DSCAM: variants seen among roughly 807,000 people sequenced by gnomAD.
DSCAM encodes the protein cell adhesion molecule DSCAM.
A neutral mutation model predicts 217.7 loss-of-function variants in DSCAM; 47 were observed. That is an observed-to-expected ratio of 0.22 (90% CI 0.17 to 0.28). The LOEUF (loss-of-function observed/expected upper bound fraction) is 0.28, where lower values mean the gene tolerates loss of function less well. Ranked by LOEUF, DSCAM falls within the 10% of genes least tolerant of loss-of-function variation. The pLI, the probability that DSCAM is intolerant of heterozygous loss-of-function variation, is 1.00. For synonymous variants in DSCAM, 1,056 were observed against 1,015.3 expected (o/e 1.04, Z -0.76); for missense variants, 2,080 against 2,618.3 (o/e 0.79, Z 4.49).
intron 11 of DSCAM, among the ~76,000 whole-genome samples, chr21:40,255,435 G>C (rs2837539): frequency 0.024 from 3,595 of 152,216 alleles, 268 homozygotes; most frequent in East Asian, 0.22. Context: ...GCAGAATAAT[G>C]GTGCTTCAAA....
At chr21:40,062,499 C>G (rs1485376710) in intron 28 of DSCAM, among the ~76,000 whole-genome samples, 3 of 152,244 alleles carry the variant, frequency 2.0e-5, no homozygotes, top group African/African-American at 7.2e-5. Context: ...TTGTGCTTTT[C>G]TTTTAACTTG....
chr21:40,621,221 T>C (rs1404700684), intron 3 of DSCAM: 2 of 152,138 alleles, frequency 1.3e-5, no homozygotes, highest in Non-Finnish European at 2.9e-5. Flanking sequence ...AAATTATATC[T>C]TTATAACTAC....
chr21:40,722,639 A>C (rs2090913559), intron 1 of DSCAM, among the ~76,000 whole-genome samples: 1 of 152,174 alleles, frequency 6.6e-6, no homozygotes, highest in Non-Finnish European at 1.5e-5. Flanking sequence ...AGATAGAAAA[A>C]ATAGGGAGCA....
intron 3 of DSCAM, among the ~76,000 whole-genome samples, chr21:40,578,425 C>A (rs1422515938): frequency 2.5e-5 from 1 of 40,630 alleles, no homozygotes; most frequent in African/African-American, 6.9e-5. Context: ...TAAAAACGCA[C>A]CAATCAGCAC....
intron 11 of DSCAM, among the ~76,000 whole-genome samples, chr21:40,206,287 G>A (rs2091124882): frequency 6.6e-6 from 1 of 152,166 alleles, no homozygotes; most frequent in Non-Finnish European, 1.5e-5. Flanking sequence ...TGAATCCACT[G>A]GAAACTGCTG....
At chr21:40,218,825 G>A (rs573234315) in intron 11 of DSCAM, among the ~76,000 whole-genome samples, 3 of 152,248 alleles carry the variant, frequency 2.0e-5, no homozygotes, top group Non-Finnish European at 4.4e-5. Context: ...AGTGATTTTT[G>A]TACATTGATT....
intron 11 of DSCAM, among the ~76,000 whole-genome samples, chr21:40,229,030 C>T (rs368146342): frequency 2.8e-4 from 43 of 152,204 alleles, no homozygotes; most frequent in African/African-American, 9.9e-4. Flanking sequence ...TCTTCCCTAG[C>T]TTGTTTGTAA....
intron 19 of DSCAM, among the ~76,000 whole-genome samples, chr21:40,129,453 G>A (rs1254470640): frequency 1.3e-5 from 2 of 152,182 alleles, no homozygotes; most frequent in Non-Finnish European, 2.9e-5. Flanking sequence ...TGGAAGTGGG[G>A]TGGCTCTTGA....
At chr21:40,622,043 A>C (rs1375276411) in intron 3 of DSCAM, among the ~76,000 whole-genome samples, 1 of 152,148 alleles carries the variant, frequency 6.6e-6, no homozygotes, top group East Asian at 1.9e-4. Flanking sequence ...TACATCAACT[A>C]CCACCACGAT....
intron 3 of DSCAM, among the ~76,000 whole-genome samples, chr21:40,371,547 C>T (rs1000620918): frequency 6.6e-6 from 1 of 152,076 alleles, no homozygotes; most frequent in Non-Finnish European, 1.5e-5. Flanking sequence ...TGCCATTTTC[C>T]AGAAAGGTTG....
At chr21:40,029,941 ATATT>A (rs979310829) in intron 32 of DSCAM, among the ~76,000 whole-genome samples, 8 of 152,214 alleles carry the variant, frequency 5.3e-5, no homozygotes, top group Admixed American at 5.2e-4. Flanking sequence ...TTTATCATAA[ATATT>A]ATACTAAGGG....
At position 40,645,130 on chromosome 21, in the gene DSCAM, C is replaced by T. The variant is rs73905020; in HGVS notation, c.508+47680G>A. ...GATGGGCTCTTTTGAGAATAATTAACGTACTCTCTTCTTGCATCCTTTCTC... is the reference window on the plus strand; with the variant it reads ...GATGGGCTCTTTTGAGAATAATTAATGTACTCTCTTCTTGCATCCTTTCTC... On this transcript the variant is annotated intron_variant, in intron 3 of 32. Coordinates refer to ENST00000400454, the MANE Select transcript of DSCAM (RefSeq NM_001389.5). Among the ~76,000 whole-genome samples the T allele has an allele frequency of 2.5e-3, 381 of 152,280 alleles. 6 individuals carry two copies. Among genetic ancestry groups the T allele is most frequent in the South Asian group, 0.021 (102 of 4,822 alleles).
At chr21:40,755,057 T>A (rs1415613557) in intron 1 of DSCAM, among the ~76,000 whole-genome samples, 1 of 152,134 alleles carries the variant, frequency 6.6e-6, no homozygotes, top group African/African-American at 2.4e-5. Context: ...AGACTTAGAA[T>A]ATGGCTCAGG....
At chr21:40,488,539 A>G (rs1220651435) in intron 3 of DSCAM, among the ~76,000 whole-genome samples, 1 of 152,124 alleles carries the variant, frequency 6.6e-6, no homozygotes, top group South Asian at 2.1e-4. Flanking sequence ...CTCCGTGGGC[A>G]CAGAGTGACA....
At chr21:40,294,944 A>G (rs1323996604) in intron 10 of DSCAM, among the ~76,000 whole-genome samples, 4 of 152,196 alleles carry the variant, frequency 2.6e-5, no homozygotes, top group Admixed American at 1.3e-4. Flanking sequence ...TATTTTCCCA[A>G]TCAGACAGTG....
intron 3 of DSCAM, among the ~76,000 whole-genome samples, chr21:40,390,016 A>G (rs769048725): frequency 1.3e-5 from 2 of 152,152 alleles, no homozygotes; most frequent in Non-Finnish European, 2.9e-5. Context: ...TCCTGTGTCT[A>G]TCCATTCCCC....
In DSCAM at chr21:40,256,854, C is replaced by T. The variant is rs564811310; in HGVS notation, c.2356+19243G>A. ...ACCTTGTCAACTCGGCATCCATGCA[C>T]GTCTGCTTACACCATACTTACTCTT... On this transcript the variant is annotated intron_variant, in intron 11 of 32. Coordinates refer to ENST00000400454, the MANE Select transcript of DSCAM (RefSeq NM_001389.5). 3.9e-5 allele frequency among the ~76,000 whole-genome samples: 6 copies of T among 152,236 alleles called. No individual in the cohort carries two copies. The South Asian group carries it at 8.3e-4, about 21-fold the overall frequency.
chr21:40,716,250 T>G (rs932260293), intron 1 of DSCAM, among the ~76,000 whole-genome samples: 1 of 152,230 alleles, frequency 6.6e-6, no homozygotes, highest in Non-Finnish European at 1.5e-5. Flanking sequence ...CAACAGCTTT[T>G]GTTTCTTCCA....
chr21:40,664,741 C>A (rs752330441), intron 3 of DSCAM, among the ~76,000 whole-genome samples: 1 of 152,148 alleles, frequency 6.6e-6, no homozygotes, highest in Non-Finnish European at 1.5e-5. Context: ...GACGAAGAAC[C>A]TATTTTGAGG....
Sources: gnomAD v4.1 joint callset for allele counts (sites outside exome capture counted in the v4.1 genomes callset) on GRCh38, gnomAD v4.1.1 for gene constraint, MANE v1.5 for transcripts, NCBI Gene and HGNC (gene_info 2026-07-23, HGNC 2026-07-21) for gene names.